PIK3CB: variants seen among roughly 807,000 people sequenced by gnomAD.
The protein encoded by PIK3CB is phosphatidylinositol 4,5-bisphosphate 3-kinase catalytic subunit beta isoform.
Under a neutral mutation model 136.8 loss-of-function variants are expected in PIK3CB, and 39 were observed. That is an observed-to-expected ratio of 0.29 (90% CI 0.22 to 0.37). The LOEUF (loss-of-function observed/expected upper bound fraction) is 0.37, where lower values mean the gene tolerates loss of function less well. Ranked by LOEUF, PIK3CB falls within the 10% of genes least tolerant of loss-of-function variation. PIK3CB has a pLI of 1.00. For synonymous variants in PIK3CB, 428 were observed against 436.6 expected (o/e 0.98, Z 0.25); for missense variants, 868 against 1,275.4 (o/e 0.68, Z 4.87).
intron 10 of PIK3CB, among the ~76,000 whole-genome samples, chr3:138,710,614 A>G (rs2044476389): frequency 6.6e-6 from 1 of 152,238 alleles, no homozygotes; most frequent in Non-Finnish European, 1.5e-5. Context: ...TTCAAATCCT[A>G]GGTTTGAAAC....
intron 2 of PIK3CB, among the ~76,000 whole-genome samples, chr3:138,784,413 C>G (rs1467076299): frequency 6.6e-6 from 1 of 151,910 alleles, no homozygotes; most frequent in Non-Finnish European, 1.5e-5. Flanking sequence ...CCTCTCCCTC[C>G]CCCTCCCCCT....
intron 2 of PIK3CB, among the ~76,000 whole-genome samples, chr3:138,793,354 C>T (rs1303288343): frequency 1.3e-5 from 2 of 152,208 alleles, no homozygotes; most frequent in East Asian, 3.8e-4. Context: ...GCCTGTAATC[C>T]TAGCACTTTG....
intron 1 of PIK3CB, among the ~76,000 whole-genome samples, chr3:138,811,997 C>A (rs1933085848): frequency 6.6e-6 from 1 of 151,930 alleles, no homozygotes; most frequent in Admixed American, 6.6e-5. Flanking sequence ...AAGCTGAGGC[C>A]AGAGGATTGC....
intron 1 of PIK3CB, among the ~76,000 whole-genome samples, chr3:138,827,524 C>T (rs1403285237): frequency 6.6e-6 from 1 of 151,432 alleles, no homozygotes; most frequent in Non-Finnish European, 1.5e-5. Flanking sequence ...TTTTAGTTAG[C>T]CAGGCAGGCA....
intron 19 of PIK3CB, among the ~76,000 whole-genome samples, chr3:138,666,815 G>A (rs1400250479): frequency 6.6e-6 from 1 of 152,076 alleles, no homozygotes; most frequent in Non-Finnish European, 1.5e-5. Flanking sequence ...GAAAACCAGA[G>A]CAGCAGTCCC....
intron 19 of PIK3CB, among the ~76,000 whole-genome samples, chr3:138,669,719 A>G (rs1340366057): frequency 6.6e-6 from 1 of 152,202 alleles, no homozygotes; most frequent in Non-Finnish European, 1.5e-5. Flanking sequence ...GTCATAGAAA[A>G]ATGAAAATGA....
intron 8 of PIK3CB, among the ~76,000 whole-genome samples, chr3:138,724,956 T>G (rs2108615168): frequency 6.6e-6 from 1 of 152,164 alleles, no homozygotes; most frequent in South Asian, 2.1e-4. Context: ...GCACAAATAT[T>G]TATTCAGTGT....
intron 19 of PIK3CB, among the ~76,000 whole-genome samples, chr3:138,681,725 C>A (rs2043786365): frequency 6.6e-6 from 1 of 152,170 alleles, no homozygotes; most frequent in Non-Finnish European, 1.5e-5. Context: ...GCTGTCTGTC[C>A]AAACCTTATT....
intron 4 of PIK3CB, among the ~76,000 whole-genome samples, chr3:138,745,994 C>T (rs1043153403): frequency 6.6e-6 from 1 of 152,096 alleles, no homozygotes; most frequent in African/African-American, 2.4e-5. Flanking sequence ...CACCTATAAT[C>T]CCAACATTTT....
chr3:138,729,807 T>G (rs1031972597), intron 8 of PIK3CB, among the ~76,000 whole-genome samples: 5 of 152,216 alleles, frequency 3.3e-5, no homozygotes, highest in African/African-American at 9.6e-5. Context: ...TCTATATTTT[T>G]TGCTTATTTA....
At chr3:138,798,831 C>T (rs2046138375) in intron 1 of PIK3CB, among the ~76,000 whole-genome samples, 1 of 151,982 alleles carries the variant, frequency 6.6e-6, no homozygotes, top group African/African-American at 2.4e-5. Flanking sequence ...ACACTAGTCC[C>T]CTTGGAAAAG....
intron 3 of PIK3CB, among the ~76,000 whole-genome samples, chr3:138,756,237 C>T (rs1576393096): frequency 6.6e-6 from 1 of 151,994 alleles, no homozygotes; most frequent in Non-Finnish European, 1.5e-5. Context: ...AGTTTTCTTA[C>T]AACAGCAAAT....
chr3:138,686,160 C>T (rs1227358708), intron 16 of PIK3CB, among the ~76,000 whole-genome samples: 2 of 150,104 alleles, frequency 1.3e-5, no homozygotes, highest in East Asian at 4.0e-4. Context: ...AAATCAGGGT[C>T]AGGTGCAGTG....
At chr3:138,778,302 C>T in intron 2 of PIK3CB, 1 of 362,988 alleles carries the variant, frequency 2.8e-6, no homozygotes, top group Non-Finnish European at 5.4e-6. Flanking sequence ...GCACCACTGG[C>T]CAAGATCACC....
chr3:138,683,184 C>G (rs753089875), intron 18 of PIK3CB, among the ~76,000 whole-genome samples: 1 of 151,944 alleles, frequency 6.6e-6, no homozygotes, highest in Non-Finnish European at 1.5e-5. Flanking sequence ...GAAACCCCAT[C>G]TTTACAAAAA....
intron 1 of PIK3CB, among the ~76,000 whole-genome samples, chr3:138,833,448 C>T (rs1934130075): frequency 6.6e-6 from 1 of 152,202 alleles, no homozygotes; most frequent in African/African-American, 2.4e-5. Context: ...TCCTGTGCTA[C>T]ATTATTATGA....
intron 12 of PIK3CB, 126 bp from the exon 13 acceptor site, chr3:138,699,221 C>A (rs1289409099): frequency 2.8e-5 from 7 of 249,872 alleles, no homozygotes; most frequent in Non-Finnish European, 2.6e-5. Flanking sequence ...AATATAATTC[C>A]ATAAAAAAAA....
intron 1 of PIK3CB, among the ~76,000 whole-genome samples, chr3:138,822,529 C>T (rs1050023959): frequency 6.6e-6 from 1 of 151,432 alleles, no homozygotes; most frequent in Non-Finnish European, 1.5e-5. Flanking sequence ...CAGTGAGACC[C>T]CGTCTCAAAA....
chr3:138,703,680 C>G (rs2044305976), intron 12 of PIK3CB, among the ~76,000 whole-genome samples: 1 of 151,970 alleles, frequency 6.6e-6, no homozygotes, highest in Non-Finnish European at 1.5e-5. Flanking sequence ...ACAAAGTAAC[C>G]TATTTGTAGT....
Sources: allele counts gnomAD v4.1 joint callset (sites outside exome capture counted in the v4.1 genomes callset), GRCh38; gene constraint gnomAD v4.1.1; transcripts MANE v1.5; gene names NCBI Gene and HGNC (gene_info 2026-07-23, HGNC 2026-07-21).